Variants in HMOX2 observed in about 807,000 individuals in gnomAD.
The protein encoded by HMOX2 is heme oxygenase (decycling) 2.
Under a neutral mutation model 33.7 loss-of-function variants are expected in HMOX2, and 30 were observed. That is an observed-to-expected ratio of 0.89 (90% CI 0.67 to 1.21). HMOX2 has a LOEUF of 1.21. HMOX2 is among the 50% of genes most tolerant of loss of function. The pLI is 0.00. For synonymous variants in HMOX2, 155 were observed against 155.0 expected (o/e 1.00, Z 0.00); for missense variants, 403 against 399.1 (o/e 1.01, Z -0.08).
At chr16:4,496,753 C>T (rs2058430815) in intron 1 of HMOX2, 1 of 152,182 alleles carries the variant, frequency 6.6e-6, no homozygotes, top group African/African-American at 2.4e-5. Context: ...GTGACTTAGC[C>T]TGGTATACCC....
rs530071324 is a variant in HMOX2, at chr16:4,504,593, C to G, written c.-41-891C>G. On this transcript the variant is annotated intron_variant, in intron 1 of 5. Coordinates refer to ENST00000570646, the MANE Select transcript of HMOX2 (RefSeq NM_002134.4). ...CAGGCTGGTCTTAAACTCCTAACCT[C>G]AGGTGATCCACCCACCTTGGCCTCC... 1.1e-4 allele frequency among the ~76,000 whole-genome samples: 17 copies of G among 151,450 alleles called. 1 individual carries two copies. The South Asian group carries it at 3.3e-3, about 30-fold the overall frequency.
intron 1 of HMOX2, among the ~76,000 whole-genome samples, chr16:4,502,038 T>C (rs1474399825): frequency 2.0e-5 from 3 of 152,202 alleles, no homozygotes; most frequent in East Asian, 1.9e-4. Flanking sequence ...TGTAGAAAAT[T>C]TGAAGTCGTG....
At chr16:4,508,878 G>A (rs2058759718) in intron 4 of HMOX2, among the ~76,000 whole-genome samples, 1 of 152,214 alleles carries the variant, frequency 6.6e-6, no homozygotes, top group African/African-American at 2.4e-5. Flanking sequence ...GTTCCCAGGG[G>A]AGACCCAGCA....
At position 4,505,671 on chromosome 16, in the gene HMOX2, C is replaced by T. The variant is rs1342985040; in HGVS notation, c.86+61C>T. The T allele has an allele frequency of 3.6e-5, 44 of 1,225,362 alleles. No homozygotes were observed. In the East Asian group the frequency reaches 1.1e-3, roughly 31 times the overall value. 75.9% of individuals were successfully genotyped at this position (1,225,362 alleles called of 1,614,324 possible). A position where few individuals can be genotyped will look rare whatever the true frequency, so the allele number is the denominator to read the frequency against. On this transcript the variant is annotated intron_variant, in intron 2 of 5. Transcript: ENST00000570646. ...GGCCCAGCACCTGTCGTGCTCAGCA[C>T]ACCTGGTTTTGTCTGTTGGCAGCAC...
intron 4 of HMOX2, 101 bp downstream of exon 4, chr16:4,508,305 G>A (rs773893843): frequency 1.5e-6 from 2 of 1,344,754 alleles, no homozygotes; most frequent in Non-Finnish European, 2.0e-6. Context: ...CATTAGGACA[G>A]ATGAGCTGCA....
intron 1 of HMOX2, among the ~76,000 whole-genome samples, chr16:4,485,053 C>G (rs1373941292): frequency 6.6e-6 from 1 of 151,958 alleles, no homozygotes; most frequent in African/African-American, 2.4e-5. Flanking sequence ...GCAACCTCCA[C>G]CTCCTGGGTT....
intron 1 of HMOX2, among the ~76,000 whole-genome samples, chr16:4,489,500 C>T (rs967109106): frequency 1.1e-4 from 16 of 152,252 alleles, no homozygotes; most frequent in African/African-American, 3.6e-4. Context: ...TGCTGTGTCA[C>T]ATAGGCTGGA....
chr16:4,505,710 T>C (rs559957951), intron 2 of HMOX2, 100 bp downstream of exon 2: 6 of 844,228 alleles, frequency 7.1e-6, no homozygotes, highest in Middle Eastern at 2.6e-4. Flanking sequence ...GGAGTGGCCA[T>C]GGGCCATGAG....
intron 1 of HMOX2, among the ~76,000 whole-genome samples, chr16:4,498,385 TC>T (rs2058475991): frequency 6.8e-6 from 1 of 146,468 alleles, no homozygotes; most frequent in African/African-American, 2.6e-5. Flanking sequence ...CTTAACTTGC[TC>T]TTTTTTTTTT....
At position 4,487,951 on chromosome 16, in the gene HMOX2, CAA is replaced by C. The variant is rs71139635; in HGVS notation, c.-42+11484_-42+11485del. 1.7e-3 allele frequency among the ~76,000 whole-genome samples: 121 copies of C among 70,624 alleles called. 1 individual carries two copies. Among genetic ancestry groups the C allele is most frequent in the African/African-American group, 4.0e-3 (90 of 22,760 alleles). 46.3% of individuals were successfully genotyped at this position (70,624 alleles called of 152,430 possible). A position where few individuals can be genotyped will look rare whatever the true frequency, so the allele number is the denominator to read the frequency against. The stretch of plus-strand genomic sequence containing the variant: ...TGGCAACAAGAGCGAAACTCTGTCT[CAA>C]AAAAAAAAAAAAAAAAAAATGTAGC... On this transcript the variant is annotated intron_variant, in intron 1 of 5. Transcript: ENST00000570646.
chr16:4,490,025 C>T (rs1454883381), intron 1 of HMOX2, among the ~76,000 whole-genome samples: 2 of 152,150 alleles, frequency 1.3e-5, no homozygotes, highest in South Asian at 2.1e-4. Context: ...AGTCAACAAA[C>T]CCTGACTGGT....
intron 1 of HMOX2, among the ~76,000 whole-genome samples, chr16:4,503,326 C>T (rs866345664): frequency 6.6e-6 from 1 of 152,106 alleles, no homozygotes; most frequent in South Asian, 2.1e-4. Context: ...CTCCCCCAGC[C>T]CTGCCCCAAA....
At chr16:4,483,188 TGTGTGTGTGTGTGTGTGTGTG>T (rs1207612603) in intron 1 of HMOX2, among the ~76,000 whole-genome samples, 5 of 126,322 alleles carry the variant, frequency 4.0e-5, no homozygotes, top group Non-Finnish European at 8.3e-5. Context: ...TGTGTGTGTG[TGTGTGTGTGTGTGTGTGTGTG>T]TGTGTGTGTG....
intron 1 of HMOX2, among the ~76,000 whole-genome samples, chr16:4,495,058 G>C (rs929421775): frequency 1.1e-4 from 17 of 152,156 alleles, no homozygotes; most frequent in Non-Finnish European, 2.5e-4. Context: ...AGAGAGGGCT[G>C]CATTTACAGC....
At chr16:4,481,021 G>A (rs2058013025) in intron 1 of HMOX2, among the ~76,000 whole-genome samples, 1 of 151,638 alleles carries the variant, frequency 6.6e-6, no homozygotes, top group Non-Finnish European at 1.5e-5. Context: ...TTAAAGCACT[G>A]TGCTGAGGCT....
At chr16:4,477,085 C>G (rs1039599738) in intron 1 of HMOX2, among the ~76,000 whole-genome samples, 4 of 152,104 alleles carry the variant, frequency 2.6e-5, no homozygotes, top group African/African-American at 9.7e-5. Flanking sequence ...GCCGGTTAGT[C>G]CGGACGCGGG....
intron 1 of HMOX2, among the ~76,000 whole-genome samples, chr16:4,480,414 G>T (rs1316599222): frequency 7.0e-6 from 1 of 142,138 alleles, no homozygotes; most frequent in Non-Finnish European, 1.5e-5. Context: ...GCGCCGTCTC[G>T]GCTCACTGCA....
chr16:4,480,035 G>A (rs1000161820), intron 1 of HMOX2, among the ~76,000 whole-genome samples: 3 of 149,064 alleles, frequency 2.0e-5, no homozygotes, highest in Admixed American at 6.7e-5. Flanking sequence ...CGCTGCGCCC[G>A]GCTTTTTTAT....
In HMOX2 at chr16:4,509,514, T is replaced by G; in HGVS notation, c.799T>G (p.Phe267Val). 1 of 1,614,172 alleles carries G rather than the reference T, an allele frequency of 6.2e-7. No individual in the cohort carries two copies. The highest frequency in any genetic ancestry group is 1.1e-5 in the South Asian group (1 of 91,080). ...GAAAGGAGACATGCGTAAATGCCCT[T>G]TCTACGCTGCTGAACAAGACAAAGG... ...DGKGDMRKCP[F>V]YAAEQDKGAL... Residue 267 changes from phenylalanine (F) to valine (V), a missense_variant, in exon 5 of 6, where the codon TTC becomes GTC. Phe to Val is a conservative substitution (Grantham distance 50, BLOSUM62 -1). Coordinates refer to ENST00000570646, the MANE Select transcript of HMOX2 (RefSeq NM_002134.4).
Sources: gnomAD v4.1 joint callset for allele counts (sites outside exome capture counted in the v4.1 genomes callset) on GRCh38, gnomAD v4.1.1 for gene constraint, MANE v1.5 for transcripts, NCBI Gene and HGNC (gene_info 2026-07-23, HGNC 2026-07-21) for gene names.